The following ADAMTSL1 variants were observed in gnomAD, a reference collection of about 807,000 sequenced individuals.
ADAMTSL1 encodes the protein ADAMTS-like protein 1.
ADAMTSL1 carries 126 observed loss-of-function variants against 201.8 expected under a neutral mutation model. The observed-to-expected ratio is 0.62, with a 90% confidence interval of 0.54 to 0.72. ADAMTSL1 has a LOEUF of 0.72. Among genes scored for constraint, ADAMTSL1 ranks in the 30% least tolerant of loss-of-function variants. The pLI is 0.00. For missense variants in ADAMTSL1, 2,679 were observed against 2,277.8 expected, an observed-to-expected ratio of 1.18 and a Z score of -3.59; for synonymous variants, 1,121 against 903.4, an observed-to-expected ratio of 1.24 and a Z score of -4.32.
intron 17 of ADAMTSL1, among the ~76,000 whole-genome samples, chr9:18,771,433 C>T (rs1820681335): frequency 6.6e-6 from 1 of 152,146 alleles, no homozygotes; most frequent in African/African-American, 2.4e-5. Flanking sequence ...CTAAATAATG[C>T]CTCTCCTAAT....
At chr9:18,760,838 A>G (rs1820034294) in intron 16 of ADAMTSL1, among the ~76,000 whole-genome samples, 1 of 152,204 alleles carries the variant, frequency 6.6e-6, no homozygotes, top group African/African-American at 2.4e-5. Context: ...CAGCATCCTC[A>G]TCTCCCTGGA....
chr9:18,574,940 A>G (rs1000357873), intron 4 of ADAMTSL1, among the ~76,000 whole-genome samples: 3 of 152,108 alleles, frequency 2.0e-5, no homozygotes, highest in Admixed American at 6.6e-5. Context: ...TTTCAGGTCC[A>G]CTTTTTGGAT....
chr9:18,544,470 T>C (rs1372574588), intron 3 of ADAMTSL1, among the ~76,000 whole-genome samples: 1 of 152,114 alleles, frequency 6.6e-6, no homozygotes, highest in Admixed American at 6.6e-5. Flanking sequence ...CTTTCTAGTA[T>C]ACTTAAAGGG....
chr9:17,932,356 A>T (rs1299837485), intron 1 of ADAMTSL1, among the ~76,000 whole-genome samples: 1 of 152,112 alleles, frequency 6.6e-6, no homozygotes, highest in Non-Finnish European at 1.5e-5. Flanking sequence ...AGCTGAATGT[A>T]GGGTGTTTGG....
intron 2 of ADAMTSL1, among the ~76,000 whole-genome samples, chr9:18,350,149 T>A (rs1024820130): frequency 6.6e-6 from 1 of 151,998 alleles, no homozygotes; most frequent in Non-Finnish European, 1.5e-5. Flanking sequence ...CTCTCCTGGT[T>A]TGTTTTGATA....
intron 2 of ADAMTSL1, among the ~76,000 whole-genome samples, chr9:18,389,016 A>G (rs1354620326): frequency 6.6e-6 from 1 of 152,106 alleles, no homozygotes; most frequent in Non-Finnish European, 1.5e-5. Flanking sequence ...CGGCCTCCCA[A>G]AGTGCTGGAG....
At chr9:18,798,186 G>C (rs1489215479) in intron 20 of ADAMTSL1, among the ~76,000 whole-genome samples, 1 of 152,056 alleles carries the variant, frequency 6.6e-6, no homozygotes, top group African/African-American at 2.4e-5. Flanking sequence ...CAGTGTGCCT[G>C]CATTTACCAG....
chr9:18,310,914 T>C (rs1834125542), intron 2 of ADAMTSL1, among the ~76,000 whole-genome samples: 3 of 152,178 alleles, frequency 2.0e-5, no homozygotes, highest in African/African-American at 4.8e-5. Context: ...TGTATGTTTA[T>C]TGCAGCACTA....
At chr9:18,374,988 A>C (rs1416399551) in intron 2 of ADAMTSL1, among the ~76,000 whole-genome samples, 2 of 152,224 alleles carry the variant, frequency 1.3e-5, no homozygotes, top group Non-Finnish European at 2.9e-5. Context: ...ATTGTTTCCT[A>C]GATACCTGTC....
At chr9:18,536,907 G>T (rs905993546) in intron 3 of ADAMTSL1, among the ~76,000 whole-genome samples, 4 of 150,500 alleles carry the variant, frequency 2.7e-5, no homozygotes, top group Non-Finnish European at 4.4e-5. Context: ...CTTCCAATGT[G>T]TTTAGAGTAC....
intron 4 of ADAMTSL1, among the ~76,000 whole-genome samples, chr9:18,582,842 C>G (rs1158173692): frequency 6.7e-6 from 1 of 148,370 alleles, no homozygotes; most frequent in Non-Finnish European, 1.5e-5. Flanking sequence ...CAACGAGACT[C>G]CATCTCAAAA....
chr9:18,176,795 T>C (rs1187074531), intron 2 of ADAMTSL1, among the ~76,000 whole-genome samples: 1 of 152,208 alleles, frequency 6.6e-6, no homozygotes, highest in Non-Finnish European at 1.5e-5. Flanking sequence ...TTGGGATATT[T>C]TTGTTTTTAG....
At chr9:18,884,974 A>G (rs560783659) in intron 23 of ADAMTSL1, among the ~76,000 whole-genome samples, 34 of 152,348 alleles carry the variant, frequency 2.2e-4, no homozygotes, top group South Asian at 1.4e-3. Context: ...GATCACTATG[A>G]GTAGTATTGA....
rs1352604697 is a variant in ADAMTSL1, at chr9:18,713,977, A to G, written c.1876+6929A>G. Among the ~76,000 whole-genome samples the G allele has an allele frequency of 2.7e-5, 4 of 150,092 alleles. No homozygotes were observed. The South Asian group carries it at 8.4e-4, about 32-fold the overall frequency. ...AAACTGCTCAACTACATGGAAACTG[A>G]ACAACCTGCTCCTGAATGACTACTG... On this transcript the variant is annotated intron_variant, in intron 14 of 28. Transcript: ENST00000380548.
intron 4 of ADAMTSL1, among the ~76,000 whole-genome samples, chr9:18,594,334 T>C (rs1286175414): frequency 6.6e-6 from 1 of 152,164 alleles, no homozygotes. Context: ...GATTGGTGAC[T>C]TTTGACTTTC....
At chr9:18,461,492 T>C (rs960344435) in intron 2 of ADAMTSL1, among the ~76,000 whole-genome samples, 1 of 152,186 alleles carries the variant, frequency 6.6e-6, no homozygotes, top group African/African-American at 2.4e-5. Context: ...TCTTATATTA[T>C]GGTTGATAGA....
intron 15 of ADAMTSL1, chr9:18,723,269 A>G (rs1265318040): frequency 8.3e-6 from 5 of 601,030 alleles, no homozygotes; most frequent in African/African-American, 1.9e-5. Flanking sequence ...CTGTGTGCTA[A>G]TCATTCCTGT....
chr9:18,056,090 G>C (rs572990759), intron 1 of ADAMTSL1, among the ~76,000 whole-genome samples: 3 of 152,060 alleles, frequency 2.0e-5, no homozygotes, highest in African/African-American at 7.2e-5. Context: ...ATTCTATAAG[G>C]GGAAAGAGGC....
chr9:18,154,753 T>C (rs1029404737), intron 1 of ADAMTSL1, among the ~76,000 whole-genome samples: 2 of 152,096 alleles, frequency 1.3e-5, no homozygotes, highest in African/African-American at 2.4e-5. Flanking sequence ...GCCATTTGTG[T>C]GAAGTACATC....
Sources: allele counts gnomAD v4.1 joint callset (sites outside exome capture counted in the v4.1 genomes callset), GRCh38; gene constraint gnomAD v4.1.1; transcripts MANE v1.5; gene names NCBI Gene and HGNC (gene_info 2026-07-23, HGNC 2026-07-21).